Variants in DIP2C observed in about 807,000 individuals in gnomAD.
The protein encoded by DIP2C is disco-interacting protein 2 homolog C.
In DIP2C, 33 loss-of-function variants were observed where a neutral mutation model predicts 192.4. That is an observed-to-expected ratio of 0.17 (90% confidence interval 0.13 to 0.23). The LOEUF (loss-of-function observed/expected upper bound fraction) is 0.23. DIP2C is among the 10% of genes least tolerant of loss of function. The probability of loss-of-function intolerance (pLI) is 1.00; values close to 1 mark genes in which losing one functional copy is unlikely to be tolerated. For missense variants in DIP2C, 1,537 were observed against 2,110.1 expected, an observed-to-expected ratio of 0.73 and a Z score of 5.32; for synonymous variants, 979 against 864.1, an observed-to-expected ratio of 1.13 and a Z score of -2.33.
chr10:580,251 A>AGTATGTACATATGCAGTACATAGT (rs1174309728), intron 1 of DIP2C, among the ~76,000 whole-genome samples: 1 of 152,100 alleles, frequency 6.6e-6, no homozygotes, highest in Non-Finnish European at 1.5e-5. Context: ...ACATGTGTAA[A>AGTATGTACATATGCAGTACATAGT]GTATGTACAT....
chr10:417,779 A>G (rs1448410527), intron 6 of DIP2C, among the ~76,000 whole-genome samples: 2 of 114,052 alleles, frequency 1.8e-5, no homozygotes, highest in African/African-American at 4.0e-5. Context: ...TGCACCTGTC[A>G]GGGCTCGGAT....
intron 3 of DIP2C, among the ~76,000 whole-genome samples, chr10:442,036 C>T (rs1967781058): frequency 6.6e-6 from 1 of 150,680 alleles, no homozygotes. Flanking sequence ...ATCAGAATAA[C>T]AGGCTTCAAG....
At chr10:474,183 G>A (rs904553455) in intron 2 of DIP2C, among the ~76,000 whole-genome samples, 6 of 152,136 alleles carry the variant, frequency 3.9e-5, no homozygotes, top group Non-Finnish European at 8.8e-5. Flanking sequence ...GTAGCTACCT[G>A]GCACTTACAT....
At chr10:420,106 C>A (rs529504202) in intron 5 of DIP2C, among the ~76,000 whole-genome samples, 1 of 152,216 alleles carries the variant, frequency 6.6e-6, no homozygotes, top group African/African-American at 2.4e-5. Flanking sequence ...AACAGAAGGG[C>A]GGTACTTTGT....
chr10:346,576 G>T (rs1331673716), intron 26 of DIP2C, among the ~76,000 whole-genome samples: 1 of 137,336 alleles, frequency 7.3e-6, no homozygotes, highest in Non-Finnish European at 1.5e-5. Flanking sequence ...TAGTTCTCCT[G>T]GAAACCCCAC....
At chr10:441,025 T>C (rs747637667) in intron 3 of DIP2C, 29 bp from the exon 4 acceptor site, 3 of 1,601,978 alleles carry the variant, frequency 1.9e-6, no homozygotes, top group Non-Finnish European at 1.7e-6. Context: ...AGTCACTCAG[T>C]GCTCAGCTGA....
In DIP2C at chr10:422,864, A is replaced by G. The variant is rs1266445409; in HGVS notation, c.564T>C (p.Ala188=). 5 of 1,612,880 alleles carry G rather than the reference A, an allele frequency of 3.1e-6. No individual in the cohort carries two copies. The highest frequency in any genetic ancestry group is 4.2e-6 in the Non-Finnish European group (5 of 1,179,988). Residue 188 remains alanine, a synonymous_variant, in exon 5 of 37, where the codon GCT becomes GCC. Transcript: ENST00000280886. ...CCATGACGTCCGCCAGCCTGTGGGC[A>G]GCCCCGCTGCCCCCGCTCTGCGTAG... ...SSSTQSGGSG[A]AHRLADVMAQ...
chr10:600,842 C>G (rs1221863842), intron 1 of DIP2C, among the ~76,000 whole-genome samples: 1 of 152,226 alleles, frequency 6.6e-6, no homozygotes, highest in Non-Finnish European at 1.5e-5. Context: ...ATAAGAGAAT[C>G]AGGTCTTTGG....
chr10:621,385 C>G (rs1435303579), intron 1 of DIP2C, among the ~76,000 whole-genome samples: 4 of 151,464 alleles, frequency 2.6e-5, no homozygotes, highest in Non-Finnish European at 5.9e-5. Flanking sequence ...GCACACACCA[C>G]CCCCGGGGTG....
At chr10:660,430 G>A (rs1056795537) in intron 1 of DIP2C, among the ~76,000 whole-genome samples, 1 of 151,718 alleles carries the variant, frequency 6.6e-6, no homozygotes, top group South Asian at 2.1e-4. Context: ...GTATGAAATG[G>A]AGATTCCAGC....
chr10:560,987 A>G (rs148662010), intron 1 of DIP2C, among the ~76,000 whole-genome samples: 117 of 152,078 alleles, frequency 7.7e-4, no homozygotes, highest in African/African-American at 2.8e-3. Context: ...CTCTCAACCA[A>G]CTGTCAATCA....
At chr10:325,349 A>T (rs1056218834) in intron 31 of DIP2C, among the ~76,000 whole-genome samples, 1 of 152,008 alleles carries the variant, frequency 6.6e-6, no homozygotes, top group South Asian at 2.1e-4. Context: ...AAATGTATGT[A>T]CTCTACAAGA....
At chr10:330,383 G>A (rs1296361467) in intron 29 of DIP2C, among the ~76,000 whole-genome samples, 1 of 151,950 alleles carries the variant, frequency 6.6e-6, no homozygotes, top group East Asian at 1.9e-4. Context: ...GGGTAAGTGT[G>A]GATTTAACAA....
intron 4 of DIP2C, among the ~76,000 whole-genome samples, chr10:440,474 A>G (rs1036921555): frequency 6.6e-6 from 1 of 152,224 alleles, no homozygotes; most frequent in Non-Finnish European, 1.5e-5. Flanking sequence ...TGCTTGTTCT[A>G]AAACAATACA....
chr10:509,330 T>C (rs1317415552), intron 1 of DIP2C, among the ~76,000 whole-genome samples: 1 of 151,922 alleles, frequency 6.6e-6, no homozygotes, highest in African/African-American at 2.4e-5. Context: ...AAACTGAAGC[T>C]CAGAGACACT....
At chr10:449,920 C>CAAAAAAAAAAAAAAAAAAAAAAAAAAAA (rs59135780) in intron 3 of DIP2C, among the ~76,000 whole-genome samples, 3 of 135,908 alleles carry the variant, frequency 2.2e-5, no homozygotes, top group African/African-American at 3.0e-5. Flanking sequence ...TCAACAACAA[C>CAAAAAAAAAAAAAAAAAAAAAAAAAAAA]AAAAAAAAAA....
At chr10:546,277 T>TAAA (rs370870788) in intron 1 of DIP2C, among the ~76,000 whole-genome samples, 26 of 109,414 alleles carry the variant, frequency 2.4e-4, no homozygotes, top group African/African-American at 8.2e-4. Flanking sequence ...GCAAGACTCT[T>TAAA]AAAAAAAAAA....
intron 1 of DIP2C, among the ~76,000 whole-genome samples, chr10:653,696 G>A (rs1183432798): frequency 6.6e-6 from 1 of 152,156 alleles, no homozygotes; most frequent in Non-Finnish European, 1.5e-5. Context: ...CTTTGGGTGA[G>A]AAAGTCTCCA....
intron 1 of DIP2C, among the ~76,000 whole-genome samples, chr10:583,716 G>A (rs1296768532): frequency 6.6e-6 from 1 of 152,154 alleles, no homozygotes; most frequent in East Asian, 1.9e-4. Context: ...CATCCTCCTT[G>A]TAATAAAATA....
Sources: allele counts gnomAD v4.1 joint callset (sites outside exome capture counted in the v4.1 genomes callset), GRCh38; gene constraint gnomAD v4.1.1; transcripts MANE v1.5; gene names NCBI Gene and HGNC (gene_info 2026-07-23, HGNC 2026-07-21).